The following CAMK2D variants were observed in gnomAD, a reference collection of about 807,000 sequenced individuals.
CAMK2D encodes calcium/calmodulin-dependent protein kinase type II subunit delta.
Under a neutral mutation model 84.0 loss-of-function variants are expected in CAMK2D, and 37 were observed. That is an observed-to-expected ratio of 0.44 (90% CI 0.34 to 0.58). The LOEUF is 0.58. Ranked by LOEUF, CAMK2D falls within the 20% of genes least tolerant of loss-of-function variation. The pLI is 0.02. For synonymous variants in CAMK2D, 202 were observed against 212.5 expected, an observed-to-expected ratio of 0.95 and a Z score of 0.43; for missense variants, 448 against 652.5, an observed-to-expected ratio of 0.69 and a Z score of 3.41.
intron 2 of CAMK2D, among the ~76,000 whole-genome samples, chr4:113,702,921 G>T (rs1047615017): frequency 5.3e-5 from 8 of 152,028 alleles, no homozygotes; most frequent in African/African-American, 1.9e-4. Flanking sequence ...ATATACATAA[G>T]TGATTTTACA....
intron 2 of CAMK2D, among the ~76,000 whole-genome samples, chr4:113,668,858 C>T (rs57960882): frequency 6.1e-4 from 93 of 152,170 alleles, no homozygotes; most frequent in African/African-American, 2.1e-3. Flanking sequence ...TATCTATAAA[C>T]TTACTATATT....
At chr4:113,522,847 G>A (rs1407946803) in intron 8 of CAMK2D, among the ~76,000 whole-genome samples, 1 of 152,220 alleles carries the variant, frequency 6.6e-6, no homozygotes, top group Non-Finnish European at 1.5e-5. Context: ...GACTAAGACA[G>A]CAGACTGCCT....
At chr4:113,634,564 A>G (rs770911656) in intron 3 of CAMK2D, among the ~76,000 whole-genome samples, 1 of 152,220 alleles carries the variant, frequency 6.6e-6, no homozygotes, top group Non-Finnish European at 1.5e-5. Context: ...AAGGAATGAC[A>G]TTTGTAAATC....
intron 3 of CAMK2D, among the ~76,000 whole-genome samples, chr4:113,652,362 T>C (rs989390308): frequency 6.6e-5 from 10 of 152,178 alleles, no homozygotes; most frequent in Non-Finnish European, 1.0e-4. Flanking sequence ...AGTGGTGAAG[T>C]TCTTTGGAAT....
At chr4:113,702,340 T>G (rs765667705) in intron 2 of CAMK2D, among the ~76,000 whole-genome samples, 23 of 152,206 alleles carry the variant, frequency 1.5e-4, no homozygotes, top group Non-Finnish European at 7.3e-5. Context: ...CTGGTGCACA[T>G]GCATTTTTTA....
At chr4:113,487,965 T>G (rs1482757645) in intron 16 of CAMK2D, among the ~76,000 whole-genome samples, 2 of 152,044 alleles carry the variant, frequency 1.3e-5, no homozygotes, top group Non-Finnish European at 2.9e-5. Flanking sequence ...ATTCTGCTGT[T>G]ATGAGGAAAC....
intron 2 of CAMK2D, among the ~76,000 whole-genome samples, chr4:113,675,152 C>G (rs2099313167): frequency 6.6e-6 from 1 of 152,074 alleles, no homozygotes; most frequent in African/African-American, 2.4e-5. Flanking sequence ...TTCCTTTCAC[C>G]TTAATATTGG....
Position 113,675,616 on chromosome 4 carries a change from A to G in CAMK2D, c.161-13844T>C, listed in dbSNP as rs148325547. Among the ~76,000 whole-genome samples the G allele has an allele frequency of 1.5e-3, 221 of 152,288 alleles. 7 individuals carry two copies. In the East Asian group the frequency reaches 0.036, roughly 25 times the overall value. On this transcript the variant is annotated intron_variant, in intron 2 of 20. Transcript: ENST00000511664. The stretch of plus-strand genomic sequence containing the variant: ...AAAGTTCCCATGGAATCAGAGGAAA[A>G]GTAAGTATTCTGATTAAAAAGTTCA...
chr4:113,702,395 C>T (rs1351754612), intron 2 of CAMK2D, among the ~76,000 whole-genome samples: 1 of 151,522 alleles, frequency 6.6e-6, no homozygotes, highest in Non-Finnish European at 1.5e-5. Flanking sequence ...AGCTTACTGG[C>T]CATATAAAAA....
At chr4:113,721,418 A>T (rs1211004185) in intron 2 of CAMK2D, among the ~76,000 whole-genome samples, 1 of 152,182 alleles carries the variant, frequency 6.6e-6, no homozygotes, top group African/African-American at 2.4e-5. Flanking sequence ...GGATATTATT[A>T]AAAACACTTT....
At chr4:113,703,101 TC>T (rs1304619454) in intron 2 of CAMK2D, among the ~76,000 whole-genome samples, 2 of 152,168 alleles carry the variant, frequency 1.3e-5, no homozygotes, top group Admixed American at 1.3e-4. Flanking sequence ...GTGAATTTGT[TC>T]ATTTAAACAG....
chr4:113,590,139 G>A (rs555296073), intron 4 of CAMK2D, among the ~76,000 whole-genome samples: 30 of 152,250 alleles, frequency 2.0e-4, no homozygotes, highest in South Asian at 6.2e-4. Flanking sequence ...TCTGTTGAAT[G>A]AATAAGTGAA....
chr4:113,526,813 G>T (rs918722590), intron 8 of CAMK2D, among the ~76,000 whole-genome samples: 1 of 151,788 alleles, frequency 6.6e-6, no homozygotes, highest in Admixed American at 6.6e-5. Context: ...TATTAAAAAT[G>T]CAGTTGCCTG....
chr4:113,546,990 T>A (rs901025299), intron 6 of CAMK2D, among the ~76,000 whole-genome samples: 2 of 152,176 alleles, frequency 1.3e-5, no homozygotes, highest in Non-Finnish European at 2.9e-5. Flanking sequence ...TATAGGGATA[T>A]CCATATATAT....
chr4:113,759,617 C>T (rs1476303876), intron 1 of CAMK2D, among the ~76,000 whole-genome samples: 4 of 152,164 alleles, frequency 2.6e-5, no homozygotes, highest in Non-Finnish European at 5.9e-5. Context: ...TGGGAGCACA[C>T]ATTATTAATC....
chr4:113,517,821 T>C (rs182626172), intron 8 of CAMK2D, among the ~76,000 whole-genome samples, 164 bp from the exon 9 acceptor site: 1 of 152,340 alleles, frequency 6.6e-6, no homozygotes, highest in Admixed American at 6.5e-5. Flanking sequence ...GAGCAGTCTC[T>C]GGAGGGTGAA....
intron 3 of CAMK2D, among the ~76,000 whole-genome samples, chr4:113,646,727 T>C (rs959774967): frequency 1.3e-5 from 2 of 151,454 alleles, no homozygotes; most frequent in East Asian, 2.0e-4. Flanking sequence ...GGAGAGAGGG[T>C]GTTCATTGTG....
intron 17 of CAMK2D, among the ~76,000 whole-genome samples, chr4:113,461,237 GA>G (rs1000416568): frequency 1.8e-4 from 27 of 151,728 alleles, no homozygotes; most frequent in Non-Finnish European, 7.4e-5. Flanking sequence ...TAAATATTTG[GA>G]AAAAACCAAT....
chr4:113,633,357 T>C (rs1262574356), intron 3 of CAMK2D, among the ~76,000 whole-genome samples: 2 of 152,156 alleles, frequency 1.3e-5, no homozygotes, highest in Non-Finnish European at 2.9e-5. Context: ...AAGGTATTAA[T>C]ATTTTCAAAG....
Sources: gnomAD v4.1 joint callset for allele counts (sites outside exome capture counted in the v4.1 genomes callset) on GRCh38, gnomAD v4.1.1 for gene constraint, MANE v1.5 for transcripts, NCBI Gene and HGNC (gene_info 2026-07-23, HGNC 2026-07-21) for gene names.